RIMS2: variants seen among roughly 807,000 people sequenced by gnomAD.
RIMS2 encodes the protein regulating synaptic membrane exocytosis 2.
Under a neutral mutation model 174.4 loss-of-function variants are expected in RIMS2, and 59 were observed. That is an observed-to-expected ratio of 0.34 (90% CI 0.27 to 0.42). The LOEUF is 0.42. RIMS2 is among the 10% of genes least tolerant of loss of function. RIMS2 has a pLI of 1.00. For synonymous variants in RIMS2, 606 were observed against 572.5 expected (o/e 1.06, Z -0.84); for missense variants, 1,620 against 1,666.3 (o/e 0.97, Z 0.48).
intron 13 of RIMS2, among the ~76,000 whole-genome samples, chr8:103,939,542 C>T (rs2082067185): frequency 6.6e-6 from 1 of 152,222 alleles, no homozygotes; most frequent in African/African-American, 2.4e-5. Flanking sequence ...TCTGACATGC[C>T]CTGGAGACAT....
At chr8:104,084,073 T>C (rs1216323146) in intron 19 of RIMS2, among the ~76,000 whole-genome samples, 1 of 152,088 alleles carries the variant, frequency 6.6e-6, no homozygotes, top group Admixed American at 6.6e-5. Context: ...TTATTATTAA[T>C]AATGTGTTAT....
intron 19 of RIMS2, among the ~76,000 whole-genome samples, chr8:104,061,284 G>C (rs557560263): frequency 6.6e-6 from 1 of 152,260 alleles, no homozygotes; most frequent in African/African-American, 2.4e-5. Context: ...ATGTAGGATA[G>C]TTAGCTCTTC....
At chr8:103,573,231 T>TA (rs2092967807) in intron 1 of RIMS2, among the ~76,000 whole-genome samples, 1 of 140,626 alleles carries the variant, frequency 7.1e-6, no homozygotes, top group Non-Finnish European at 1.5e-5. Flanking sequence ...AATTTTTGTA[T>TA]TTTTTTTTTT....
At chr8:103,576,643 C>T (rs2093262799) in intron 1 of RIMS2, among the ~76,000 whole-genome samples, 1 of 152,058 alleles carries the variant, frequency 6.6e-6, no homozygotes, top group African/African-American at 2.4e-5. Flanking sequence ...AAGAACAAAG[C>T]TAGAGGCATC....
intron 19 of RIMS2, among the ~76,000 whole-genome samples, chr8:104,185,898 GA>G (rs2098965469): frequency 6.6e-6 from 1 of 151,556 alleles, no homozygotes; most frequent in African/African-American, 2.4e-5. Context: ...TAAAGGAGAA[GA>G]AATCATTATA....
chr8:103,761,755 T>C lies in RIMS2; in HGVS notation c.388-4472T>C, dbSNP rs144844766. Among the ~76,000 whole-genome samples the C allele has an allele frequency of 2.8e-4, 42 of 152,356 alleles. No homozygotes were observed. The East Asian group carries it at 5.4e-3, about 20-fold the overall frequency. ...TAATGGTTACTTGATCAATTTATAC[T>C]CTTTTACCTTATTTCTTCTCTGACA... On this transcript the variant is annotated intron_variant, in intron 2 of 23. Coordinates refer to ENST00000504942, the Ensembl canonical transcript of RIMS2.
Position 103,917,790 on chromosome 8 carries a change from T to A in RIMS2, c.2037-651T>A, listed in dbSNP as rs117370763. On this transcript the variant is annotated intron_variant, in intron 8 of 23. Coordinates refer to ENST00000504942, the Ensembl canonical transcript of RIMS2. ...ACTTTGGGAGGGCGAGGCGGAAGGA[T>A]CACTTGAAGTCAGGAGTTCAAAACC... 7.2e-4 allele frequency among the ~76,000 whole-genome samples: 110 copies of A among 152,192 alleles called. No individual in the cohort carries two copies. In the East Asian group the frequency reaches 0.014, roughly 20 times the overall value.
chr8:103,575,388 G>A (rs923542508), intron 1 of RIMS2, among the ~76,000 whole-genome samples: 5 of 152,024 alleles, frequency 3.3e-5, no homozygotes, highest in Admixed American at 2.6e-4. Context: ...ATCTACCAAA[G>A]CTGAACATAT....
chr8:103,573,779 A>G (rs928883832), intron 1 of RIMS2, among the ~76,000 whole-genome samples: 11 of 151,934 alleles, frequency 7.2e-5, no homozygotes, highest in South Asian at 2.1e-4. Flanking sequence ...ATTGCATTTG[A>G]TCTGTATATT....
chr8:103,659,643 A>AC (rs1209968635), intron 1 of RIMS2, among the ~76,000 whole-genome samples: 1 of 151,986 alleles, frequency 6.6e-6, no homozygotes, highest in African/African-American at 2.4e-5. Context: ...AACCAGGAGC[A>AC]CCCCCATGGA....
intron 3 of RIMS2, among the ~76,000 whole-genome samples, chr8:103,804,939 G>A (rs1483167923): frequency 2.0e-5 from 3 of 151,986 alleles, no homozygotes; most frequent in African/African-American, 4.8e-5. Context: ...TAGGACTATA[G>A]GTGAATGCCA....
chr8:103,839,312 T>C (rs2098925341), intron 3 of RIMS2, among the ~76,000 whole-genome samples: 1 of 152,234 alleles, frequency 6.6e-6, no homozygotes, highest in East Asian at 1.9e-4. Flanking sequence ...AACACCTAAA[T>C]GATGTATTGT....
intron 19 of RIMS2, among the ~76,000 whole-genome samples, chr8:104,050,298 A>T (rs766686124): frequency 1.8e-4 from 28 of 152,206 alleles, no homozygotes; most frequent in Non-Finnish European, 7.4e-5. Context: ...TGACATAGAC[A>T]TACAAGATCT....
intron 1 of RIMS2, among the ~76,000 whole-genome samples, chr8:103,523,364 C>T (rs1043699156): frequency 6.6e-6 from 1 of 151,014 alleles, no homozygotes; most frequent in Non-Finnish European, 1.5e-5. Flanking sequence ...TTGGGTCTTG[C>T]CCATGGACTT....
At position 103,569,342 on chromosome 8, in the gene RIMS2, T is replaced by C. The variant is rs75073111; in HGVS notation, c.176+68280T>C. On this transcript the variant is annotated intron_variant, in intron 1 of 23. Coordinates refer to ENST00000504942, the Ensembl canonical transcript of RIMS2. ...ACCTTTGTCAAAAATCAATTTGTCA[T>C]TGATACAAGGGCTTATTTCTGGACT... Among the ~76,000 whole-genome samples the C allele has an allele frequency of 4.0e-3, 609 of 152,260 alleles. 16 individuals carry two copies. The East Asian group carries it at 0.065, about 16-fold the overall frequency.
chr8:104,156,510 G>C (rs1214224661), intron 19 of RIMS2, among the ~76,000 whole-genome samples: 1 of 151,960 alleles, frequency 6.6e-6, no homozygotes, highest in Non-Finnish European at 1.5e-5. Context: ...GAAATTATAA[G>C]GCACTTTACT....
chr8:103,661,274 A>G (rs1308746118), intron 1 of RIMS2, among the ~76,000 whole-genome samples: 1 of 152,080 alleles, frequency 6.6e-6, no homozygotes, highest in Non-Finnish European at 1.5e-5. Flanking sequence ...GATCAGTTTT[A>G]CTATTGATGT....
intron 15 of RIMS2, among the ~76,000 whole-genome samples, chr8:103,967,875 A>T (rs1392483537): frequency 6.6e-5 from 6 of 90,288 alleles, no homozygotes; most frequent in African/African-American, 1.1e-4. Flanking sequence ...TTTTTTTGAG[A>T]CAGAGTCTGG....
rs2096499441 is a variant in RIMS2, at chr8:104,035,751, T to A, written c.3334+21136T>A. ...ATCAGTCTTCTTATTAAATGCTAGT[T>A]TAAGCCATCCAGTCTGGAAAAAGGA... On this transcript the variant is annotated intron_variant, in intron 19 of 23. Coordinates refer to ENST00000504942, the Ensembl canonical transcript of RIMS2. 2.0e-5 allele frequency among the ~76,000 whole-genome samples: 3 copies of A among 152,148 alleles called. No homozygotes were observed. In the South Asian group the frequency reaches 6.2e-4, roughly 32 times the overall value.
Sources: allele counts gnomAD v4.1 joint callset (sites outside exome capture counted in the v4.1 genomes callset), GRCh38; gene constraint gnomAD v4.1.1; transcripts MANE v1.5; gene names NCBI Gene and HGNC (gene_info 2026-07-23, HGNC 2026-07-21).